The following CEP85L variants were observed in gnomAD, a reference collection of about 807,000 sequenced individuals.
CEP85L encodes centrosomal protein 85L, also known as centrosomal protein of 85 kDa-like.
CEP85L carries 60 observed loss-of-function variants against 100.3 expected under a neutral mutation model. The ratio of observed to expected loss-of-function variants is 0.60; its 90% CI spans 0.49 to 0.74. The LOEUF (loss-of-function observed/expected upper bound fraction) is 0.74. Among genes scored for constraint, CEP85L ranks in the 30% least tolerant of loss-of-function variants. The probability of loss-of-function intolerance (pLI) is 0.00; values close to 1 mark genes in which losing one functional copy is unlikely to be tolerated. For missense variants in CEP85L, 973 were observed against 936.2 expected (o/e 1.04, Z -0.51); for synonymous variants, 319 against 322.7 (o/e 0.99, Z 0.12).
At chr6:118,629,852 A>G (rs1774028865) in intron 2 of CEP85L, among the ~76,000 whole-genome samples, 1 of 152,130 alleles carries the variant, frequency 6.6e-6, no homozygotes. Context: ...CTTCCAACCC[A>G]CTTCTCTCCT....
At chr6:118,535,050 T>G (rs141674302) in intron 3 of CEP85L, among the ~76,000 whole-genome samples, 2 of 152,126 alleles carry the variant, frequency 1.3e-5, no homozygotes, top group East Asian at 3.9e-4. Context: ...ATAATAAAAA[T>G]AAATACTCAA....
intron 3 of CEP85L, among the ~76,000 whole-genome samples, chr6:118,558,646 C>G (rs1310726841): frequency 1.4e-5 from 2 of 143,332 alleles, no homozygotes; most frequent in African/African-American, 5.4e-5. Flanking sequence ...CACACACACA[C>G]ACACACACAC....
At chr6:118,631,408 G>A (rs914699440) in intron 2 of CEP85L, among the ~76,000 whole-genome samples, 4 of 152,132 alleles carry the variant, frequency 2.6e-5, no homozygotes, top group Admixed American at 6.6e-5. Flanking sequence ...AAAACTGTGT[G>A]GCAGTTTCTT....
rs145926557 is a variant in CEP85L at position 118,679,608 on chromosome 6, G to T, written c.-27-26800C>A. ...TCTACTTATGCAATGCTAGTGTAAG[G>T]GTGTCAAAATCAAATGCCTTCAGGG... On this transcript the variant is annotated intron_variant, in intron 1 of 13. Transcript: ENST00000368488. Among the ~76,000 whole-genome samples the T allele has an allele frequency of 1.2e-3, 181 of 152,186 alleles. 1 individual carries two copies. The highest frequency in any genetic ancestry group is 4.2e-3 in the African/African-American group (173 of 41,558).
chr6:118,590,024 A>C (rs1456643057), intron 2 of CEP85L, among the ~76,000 whole-genome samples: 1 of 151,710 alleles, frequency 6.6e-6, no homozygotes, highest in Non-Finnish European at 1.5e-5. Flanking sequence ...TGGGTGTTTC[A>C]GATTTTTTTT....
chr6:118,506,243 G>C (rs1424495059), intron 5 of CEP85L, among the ~76,000 whole-genome samples: 1 of 152,032 alleles, frequency 6.6e-6, no homozygotes, highest in Non-Finnish European at 1.5e-5. Context: ...GAGATAACTT[G>C]GACAGTCTGA....
At chr6:118,670,055 C>T (rs1433534713) in intron 1 of CEP85L, among the ~76,000 whole-genome samples, 2 of 151,538 alleles carry the variant, frequency 1.3e-5, no homozygotes, top group South Asian at 2.1e-4. Context: ...CCCAATTCTT[C>T]CCTCTCTCCC....
At chr6:118,490,188 G>A (rs1562192888) in intron 6 of CEP85L, among the ~76,000 whole-genome samples, 1 of 152,078 alleles carries the variant, frequency 6.6e-6, no homozygotes, top group Non-Finnish European at 1.5e-5. Flanking sequence ...GTCAGGGACT[G>A]GGGAGCAGGG....
intron 6 of CEP85L, among the ~76,000 whole-genome samples, chr6:118,486,655 C>T (rs1774208196): frequency 6.6e-6 from 1 of 152,168 alleles, no homozygotes; most frequent in Non-Finnish European, 1.5e-5. Context: ...TCCATGTGCT[C>T]TGACACAAAC....
At chr6:118,701,026 A>G (rs181606344) in intron 1 of CEP85L, among the ~76,000 whole-genome samples, 9 of 152,250 alleles carry the variant, frequency 5.9e-5, no homozygotes, top group Non-Finnish European at 1.2e-4. Flanking sequence ...AACGCTTCCT[A>G]TGTACATTCT....
chr6:118,482,438 G>A (rs1279825666), intron 7 of CEP85L, among the ~76,000 whole-genome samples: 1 of 152,076 alleles, frequency 6.6e-6, no homozygotes, highest in African/African-American at 2.4e-5. Flanking sequence ...ATCTCATTAA[G>A]TGGAATCATA....
intron 3 of CEP85L, among the ~76,000 whole-genome samples, chr6:118,529,537 G>A (rs182140144): frequency 6.6e-6 from 1 of 150,704 alleles, no homozygotes; most frequent in East Asian, 2.0e-4. Context: ...GAACCTGGGA[G>A]GCGGACCTTG....
chr6:118,498,606 A>T (rs1775073318), intron 5 of CEP85L, among the ~76,000 whole-genome samples: 1 of 151,564 alleles, frequency 6.6e-6, no homozygotes, highest in Non-Finnish European at 1.5e-5. Context: ...AAAAAAAAAA[A>T]AAAAAATAGA....
chr6:118,527,701 C>T (rs1055896679), intron 3 of CEP85L, among the ~76,000 whole-genome samples: 2 of 152,044 alleles, frequency 1.3e-5, no homozygotes, highest in Non-Finnish European at 2.9e-5. Flanking sequence ...TTCCAAAACT[C>T]AAAGTAGGAT....
chr6:118,470,203 TTAAAGG>T (rs1302667426), intron 11 of CEP85L, among the ~76,000 whole-genome samples: 14 of 152,096 alleles, frequency 9.2e-5, no homozygotes, highest in African/African-American at 3.4e-4. Flanking sequence ...AAACTGCTAA[TTAAAGG>T]TAACTTTAAT....
rs9489465 is a variant in CEP85L, at chr6:118,611,789, A to T, written c.232+20664T>A. The stretch of plus-strand genomic sequence containing the variant: ...ATTATATAATGATAAAAGGGCCGAC[A>T]GACCAAGAAGTAATAGCAATTCTAA... On this transcript the variant is annotated intron_variant, in intron 2 of 12. Coordinates refer to ENST00000368491, the MANE Select transcript of CEP85L (RefSeq NM_001042475.3). 9.9e-5 allele frequency among the ~76,000 whole-genome samples: 15 copies of T among 152,200 alleles called. No homozygotes were observed. The South Asian group carries it at 1.5e-3, about 15-fold the overall frequency.
intron 10 of CEP85L, among the ~76,000 whole-genome samples, chr6:118,475,667 T>TAAAAC (rs2114481699): frequency 6.6e-6 from 1 of 152,252 alleles, no homozygotes; most frequent in African/African-American, 2.4e-5. Context: ...TATATCTTAA[T>TAAAAC]AAAACTGTTA....
At position 118,571,267 on chromosome 6, in the gene CEP85L, A is replaced by T. The variant is rs542179667; in HGVS notation, c.233-4951T>A. ...TAGCCACAAATCCCAAATGCAAGTT[A>T]TTACTATCTATCCCACATCTAAGTC... is the stretch of plus-strand genomic sequence containing the variant. On this transcript the variant is annotated intron_variant, in intron 2 of 12. Coordinates refer to ENST00000368491, the MANE Select transcript of CEP85L (RefSeq NM_001042475.3). 4.6e-5 allele frequency among the ~76,000 whole-genome samples: 7 copies of T among 152,356 alleles called. No homozygotes were observed. The South Asian group carries it at 1.4e-3, about 32-fold the overall frequency.
rs200864764 is a variant in CEP85L at position 118,469,212 on chromosome 6, G to C, written c.2114C>G (p.Pro705Arg). 51 of 1,613,924 alleles carry C rather than the reference G, an allele frequency of 3.2e-5. No homozygotes were observed. The highest frequency in any genetic ancestry group is 4.2e-5 in the Non-Finnish European group (50 of 1,179,946). ...SRQQTVLSKRPLFDLTVIDQL... is the reference protein window; with the variant it reads ...SRQQTVLSKRRLFDLTVIDQL... ...ATCAATCACAGTCAAATCAAATAGTGGCCGTTTGGAAAGAACTGTCTGCTG... is the reference window on the plus strand; with the variant it reads ...ATCAATCACAGTCAAATCAAATAGTCGCCGTTTGGAAAGAACTGTCTGCTG... The change falls in exon 12 of 13, where the codon CCA becomes CGA. Residue 705 changes from proline (P) to arginine (R), a missense_variant. By Grantham distance (103) the Pro-to-Arg change is moderately radical (BLOSUM62 -2). Coordinates refer to ENST00000368491, the MANE Select transcript of CEP85L (RefSeq NM_001042475.3).
Sources: gnomAD v4.1 joint callset for allele counts (sites outside exome capture counted in the v4.1 genomes callset) on GRCh38, gnomAD v4.1.1 for gene constraint, MANE v1.5 for transcripts, NCBI Gene and HGNC (gene_info 2026-07-23, HGNC 2026-07-21) for gene names.